NRXN3: variants seen among roughly 807,000 people sequenced by gnomAD.
NRXN3 encodes neurexin 3.
In NRXN3, 32 loss-of-function variants were observed where a neutral mutation model predicts 137.6. The observed-to-expected ratio is 0.23, with a 90% CI of 0.18 to 0.31. The LOEUF (loss-of-function observed/expected upper bound fraction) is 0.31, where lower values mean the gene tolerates loss of function less well. NRXN3 is among the 10% of genes least tolerant of loss of function. NRXN3 has a pLI of 1.00. For synonymous variants in NRXN3, 798 were observed against 784.5 expected (o/e 1.02, Z -0.29); for missense variants, 1,574 against 2,062.5 (o/e 0.76, Z 4.59).
At chr14:79,136,010 TTGTC>T (rs1276353210) in intron 15 of NRXN3, among the ~76,000 whole-genome samples, 1 of 152,208 alleles carries the variant, frequency 6.6e-6, no homozygotes, top group East Asian at 1.9e-4. Flanking sequence ...CTGATTGACT[TTGTC>T]TTTCTTTTTT....
At chr14:78,383,426 A>G (rs554903562) in intron 4 of NRXN3, among the ~76,000 whole-genome samples, 1 of 152,186 alleles carries the variant, frequency 6.6e-6, no homozygotes, top group Non-Finnish European at 1.5e-5. Context: ...CAGTGCAGAG[A>G]GATACCTGGG....
intron 8 of NRXN3, among the ~76,000 whole-genome samples, chr14:78,793,847 C>T (rs2098813003): frequency 6.6e-6 from 1 of 152,132 alleles, no homozygotes; most frequent in African/African-American, 2.4e-5. Context: ...ACTCTTACCA[C>T]TCAGAAATTC....
Position 78,827,490 on chromosome 14 carries a change from T to C in NRXN3, c.2275+17146T>C, listed in dbSNP as rs931268018. 2.0e-5 allele frequency among the ~76,000 whole-genome samples: 3 copies of C among 152,328 alleles called. No individual in the cohort carries two copies. The East Asian group carries it at 5.8e-4, about 29-fold the overall frequency. On this transcript the variant is annotated intron_variant, in intron 10 of 20. Transcript: ENST00000335750. ...TCAGAATATTTTAAAGAAAAAACTG[T>C]CCTTTGAAACAAATTCTGCAGAATA...
intron 15 of NRXN3, among the ~76,000 whole-genome samples, chr14:79,182,878 A>G (rs1180894222): frequency 6.6e-6 from 1 of 152,242 alleles, no homozygotes; most frequent in Non-Finnish European, 1.5e-5. Flanking sequence ...TAGTGTTGTT[A>G]GCAGATAATT....
chr14:79,152,430 C>T (rs955716065), intron 15 of NRXN3, among the ~76,000 whole-genome samples: 4 of 152,010 alleles, frequency 2.6e-5, no homozygotes, highest in Admixed American at 6.6e-5. Flanking sequence ...CTACTCCCCA[C>T]CATTGACACA....
At chr14:79,472,741 A>C (rs2153625883) in intron 16 of NRXN3, among the ~76,000 whole-genome samples, 1 of 152,282 alleles carries the variant, frequency 6.6e-6, no homozygotes, top group African/African-American at 2.4e-5. Flanking sequence ...CCCCACATCT[A>C]GGCTTTAAGG....
chr14:78,935,281 G>A (rs1301398393), intron 10 of NRXN3, among the ~76,000 whole-genome samples: 1 of 152,126 alleles, frequency 6.6e-6, no homozygotes, highest in Non-Finnish European at 1.5e-5. Flanking sequence ...ATATATGTAC[G>A]TGAAAATGTA....
intron 4 of NRXN3, among the ~76,000 whole-genome samples, chr14:78,469,035 A>G (rs1281687154): frequency 6.6e-6 from 1 of 152,122 alleles, no homozygotes; most frequent in Admixed American, 6.5e-5. Flanking sequence ...ATAAGTTTAG[A>G]GTTTAGCAAA....
At chr14:79,061,879 A>G (rs1474496557) in intron 15 of NRXN3, among the ~76,000 whole-genome samples, 1 of 152,160 alleles carries the variant, frequency 6.6e-6, no homozygotes, top group Non-Finnish European at 1.5e-5. Flanking sequence ...GGCAGAAAGA[A>G]TAATAGCTGT....
At chr14:78,998,500 A>C (rs1443183531) in intron 15 of NRXN3, among the ~76,000 whole-genome samples, 2 of 152,174 alleles carry the variant, frequency 1.3e-5, no homozygotes, top group Non-Finnish European at 2.9e-5. Context: ...GCCAAAGAAA[A>C]CGTTGCAAGA....
intron 19 of NRXN3, among the ~76,000 whole-genome samples, chr14:79,802,542 A>G (rs1325771496): frequency 6.6e-6 from 1 of 152,218 alleles, no homozygotes; most frequent in African/African-American, 2.4e-5. Flanking sequence ...AGCCCAAACC[A>G]AACTTTCCTG....
intron 19 of NRXN3, among the ~76,000 whole-genome samples, chr14:79,772,586 C>G (rs943540912): frequency 3.3e-5 from 5 of 151,536 alleles, no homozygotes; most frequent in African/African-American, 4.9e-5. Context: ...GTAGAAAGCT[C>G]AAACTGGATC....
chr14:79,706,799 C>T (rs768588446), intron 19 of NRXN3, among the ~76,000 whole-genome samples: 6 of 152,012 alleles, frequency 3.9e-5, no homozygotes, highest in South Asian at 2.1e-4. Context: ...TATGACACAC[C>T]GCCCCCCTTT....
chr14:78,359,731 T>G (rs1395769701), intron 4 of NRXN3, among the ~76,000 whole-genome samples: 1 of 152,142 alleles, frequency 6.6e-6, no homozygotes, highest in Non-Finnish European at 1.5e-5. Context: ...CTAAGATAGT[T>G]GTTAACCTTG....
At chr14:79,496,245 A>G (rs1432229942) in intron 16 of NRXN3, among the ~76,000 whole-genome samples, 7 of 146,406 alleles carry the variant, frequency 4.8e-5, no homozygotes, top group Admixed American at 3.3e-4. Context: ...TCTCACACAC[A>G]CACACACACA....
Position 78,926,947 on chromosome 14 carries a change from T to A in NRXN3, c.2276-30295T>A, listed in dbSNP as rs1275055188. On this transcript the variant is annotated intron_variant, in intron 10 of 20. Transcript: ENST00000335750. ...TATATAATATATTTATATATATATA[T>A]AATATATATAATATATATATAATAT... 1.5e-4 allele frequency among the ~76,000 whole-genome samples: 7 copies of A among 46,002 alleles called. 1 individual carries two copies. The South Asian group carries it at 1.7e-3, about 11-fold the overall frequency. 30.2% of individuals were successfully genotyped at this position (46,002 alleles called of 152,430 possible). A position where few individuals can be genotyped will look rare whatever the true frequency, so the allele number is the denominator to read the frequency against.
At chr14:79,609,548 A>G (rs17836226) in intron 16 of NRXN3, among the ~76,000 whole-genome samples, 63,328 of 152,034 alleles carry the variant, frequency 0.42, 13,546 homozygotes, top group Middle Eastern at 0.64. Flanking sequence ...AACTGTGATA[A>G]CACTCATTAG....
At chr14:78,888,872 C>CACACACACACACACACACACA (rs58407190) in intron 10 of NRXN3, among the ~76,000 whole-genome samples, 2 of 150,518 alleles carry the variant, frequency 1.3e-5, no homozygotes, top group African/African-American at 5.0e-5. Context: ...CACACACACA[C>CACACACACACACACACACACA]CCCAGATTTG....
intron 8 of NRXN3, among the ~76,000 whole-genome samples, chr14:78,773,925 C>T (rs1352822261): frequency 6.6e-6 from 1 of 152,096 alleles, no homozygotes; most frequent in African/African-American, 2.4e-5. Context: ...CCTCAGCCTC[C>T]CGAGTAGCTG....
Sources: gnomAD v4.1 joint callset for allele counts (sites outside exome capture counted in the v4.1 genomes callset) on GRCh38, gnomAD v4.1.1 for gene constraint, MANE v1.5 for transcripts, NCBI Gene and HGNC (gene_info 2026-07-23, HGNC 2026-07-21) for gene names.